FBXO10: variants seen among roughly 807,000 people sequenced by gnomAD.
FBXO10 encodes the protein F-box only protein 10.
Under a neutral mutation model 80.7 loss-of-function variants are expected in FBXO10, and 39 were observed. The observed-to-expected ratio is 0.48, with a 90% CI of 0.37 to 0.63. The LOEUF (loss-of-function observed/expected upper bound fraction) is 0.63, where lower values mean the gene tolerates loss of function less well. Ranked by LOEUF, FBXO10 falls within the 30% of genes least tolerant of loss-of-function variation. The pLI is 0.00. For synonymous variants in FBXO10, 449 were observed against 489.6 expected, an observed-to-expected ratio of 0.92 and a Z score of 1.09; for missense variants, 1,025 against 1,269.0, an observed-to-expected ratio of 0.81 and a Z score of 2.92.
At position 37,539,593 on chromosome 9, in the gene FBXO10, T is replaced by C. The variant is rs531124751; in HGVS notation, c.585+1591A>G. ...CTAAGAATAAATGTATTACAAAATG[T>C]GAAGGGTCTGGAACATTATTTCTTT... On this transcript the variant is annotated intron_variant, in intron 2 of 10. Transcript: ENST00000432825. Among the ~76,000 whole-genome samples, 22 of 152,352 alleles carry C rather than the reference T, an allele frequency of 1.4e-4. No individual in the cohort carries two copies. The South Asian group carries it at 4.1e-3, about 29-fold the overall frequency.
Position 37,518,112 on chromosome 9 carries a change from C to G in FBXO10, c.2514+13G>C. 6.2e-7 allele frequency: 1 copy of G among 1,602,956 alleles called. No homozygotes were observed. Among genetic ancestry groups the G allele is most frequent in the South Asian group, 1.1e-5 (1 of 88,712 alleles). On this transcript the variant is annotated intron_variant, in intron 9 of 10. Transcript: ENST00000432825. ...GTGGGCACCACACGTCACACACATG[C>G]AGACATACTCACTTTAGTGTCGGAC... is the stretch of plus-strand genomic sequence containing the variant.
chr9:37,531,799 C>T (rs1821629065), intron 4 of FBXO10, 110 bp downstream of exon 4: 4 of 1,247,404 alleles, frequency 3.2e-6, no homozygotes, highest in Non-Finnish European at 3.4e-6. Flanking sequence ...CAGGAGCCAC[C>T]TGCAAACAGG....
chr9:37,538,255 C>G (rs145528531), intron 2 of FBXO10, among the ~76,000 whole-genome samples: 1 of 152,262 alleles, frequency 6.6e-6, no homozygotes, highest in Non-Finnish European at 1.5e-5. Context: ...CAATCACGTG[C>G]CAGGGCTAGG....
intron 9 of FBXO10, among the ~76,000 whole-genome samples, chr9:37,517,638 C>T (rs1202152624): frequency 7.1e-6 from 1 of 141,382 alleles, no homozygotes; most frequent in Non-Finnish European, 1.5e-5. Context: ...CTCAGGGACT[C>T]TTCCTGAACA....
chr9:37,564,199 T>C (rs1399033937), intron 1 of FBXO10, among the ~76,000 whole-genome samples: 3 of 152,382 alleles, frequency 2.0e-5, no homozygotes, highest in Admixed American at 6.5e-5. Context: ...GTGTTGAGCC[T>C]GTGGGTGCAC....
At chr9:37,521,886 C>T (rs767973510) in intron 7 of FBXO10, 48 bp from the exon 8 acceptor site, 19 of 1,509,888 alleles carry the variant, frequency 1.3e-5, no homozygotes, top group African/African-American at 4.1e-5. Flanking sequence ...TCAGGTGAAG[C>T]GGCACCTGAG....
At chr9:37,562,509 T>G (rs1822505474) in intron 1 of FBXO10, among the ~76,000 whole-genome samples, 1 of 152,172 alleles carries the variant, frequency 6.6e-6, no homozygotes, top group Non-Finnish European at 1.5e-5. Context: ...CCTGTGGAAT[T>G]AAATGTTTTC....
rs776035711 is a variant in FBXO10 at position 37,525,113 on chromosome 9, C to G, written c.1766G>C (p.Gly589Ala). The G allele has an allele frequency of 2.2e-5, 34 of 1,561,974 alleles. No individual in the cohort carries two copies. The highest frequency in any genetic ancestry group is 2.7e-5 in the African/African-American group (2 of 73,422). The change falls in exon 6 of 11, where the codon GGC becomes GCC. Residue 589 changes from glycine (G) to alanine (A), a missense_variant. By Grantham distance (60) the Gly-to-Ala change is moderately conservative. Around this residue, in one of 3 missense-constraint regions of FBXO10, gnomAD observed 478 missense variants for 667.8 expected, o/e 0.72. Transcript: ENST00000432825. Reference protein sequence around the residue: ...AGIAVNENGKGLITENVIREN... With the variant: ...AGIAVNENGKALITENVIREN... ...GTTCCCATCCGTACCTGTGATGAGG[C>G]CTTTGCCGTTCTCATTCACTGCTAT...
At chr9:37,533,162 C>T (rs1379959949) in intron 3 of FBXO10, among the ~76,000 whole-genome samples, 6 of 18,698 alleles carry the variant, frequency 3.2e-4, no homozygotes, top group Admixed American at 1.4e-3. Context: ...TTAATAAGTA[C>T]AGTTGTCTCC....
intron 1 of FBXO10, among the ~76,000 whole-genome samples, chr9:37,553,378 C>T (rs1014220233): frequency 5.3e-5 from 8 of 152,002 alleles, no homozygotes; most frequent in Non-Finnish European, 8.8e-5. Flanking sequence ...CATGGACTGA[C>T]ACGTATTTTA....
intron 1 of FBXO10, among the ~76,000 whole-genome samples, chr9:37,565,980 T>C (rs1266345692): frequency 1.3e-5 from 2 of 152,160 alleles, no homozygotes; most frequent in Non-Finnish European, 2.9e-5. Flanking sequence ...TCTGAAGGGA[T>C]CAGTGAGAAA....
rs747783408 is a variant in FBXO10, at chr9:37,537,111, T to G, written c.1418A>C (p.Lys473Thr). 2.5e-6 allele frequency: 4 copies of G among 1,596,664 alleles called. No individual in the cohort carries two copies. The highest frequency in any genetic ancestry group is 2.6e-6 in the Non-Finnish European group (3 of 1,167,650). Reference protein sequence around the residue: ...TYAVRCIHNSKIIMLRNDIYR... With the variant: ...TYAVRCIHNSTIIMLRNDIYR... ...ACCAATCTAAAGTCATGACAGCACC[T>G]TGCTATTATGTATACACCGCACTGC... Residue 473 changes from lysine to threonine, a missense_variant and splice_region_variant, in exon 3 of 11, where the codon AAG becomes ACG. This residue lies in a region of FBXO10 where 478 missense variants were observed against 667.8 expected (regional missense o/e 0.72). Coordinates refer to ENST00000432825, the MANE Select transcript of FBXO10 (RefSeq NM_012166.3).
chr9:37,539,072 T>C (rs1483956372), intron 2 of FBXO10, among the ~76,000 whole-genome samples: 1 of 152,184 alleles, frequency 6.6e-6, no homozygotes, highest in Non-Finnish European at 1.5e-5. Flanking sequence ...ACATATTTCA[T>C]CAGATGTATT....
chr9:37,531,501 AC>A (rs1821622712), intron 4 of FBXO10, among the ~76,000 whole-genome samples: 1 of 152,110 alleles, frequency 6.6e-6, no homozygotes, highest in South Asian at 2.1e-4. Flanking sequence ...AGAACTAAAT[AC>A]CCGAAATGTC....
chr9:37,514,065 A>C (rs1402470251), intron 10 of FBXO10, among the ~76,000 whole-genome samples: 2 of 152,184 alleles, frequency 1.3e-5, no homozygotes, highest in Non-Finnish European at 1.5e-5. Context: ...AACTTTACAC[A>C]CTAAGTCTCC....
At chr9:37,544,092 C>T (rs1053096483) in intron 1 of FBXO10, among the ~76,000 whole-genome samples, 2 of 152,152 alleles carry the variant, frequency 1.3e-5, no homozygotes, top group Non-Finnish European at 2.9e-5. Flanking sequence ...TACAGTGAAA[C>T]CCTGCCTCTA....
intron 7 of FBXO10, 40 bp from the exon 8 acceptor site, chr9:37,521,878 A>G: frequency 6.6e-7 from 1 of 1,518,452 alleles, no homozygotes; most frequent in Non-Finnish European, 8.8e-7. Context: ...CACTGAACTC[A>G]GGTGAAGCGG....
At chr9:37,558,101 G>A (rs1337041176) in intron 1 of FBXO10, among the ~76,000 whole-genome samples, 1 of 152,150 alleles carries the variant, frequency 6.6e-6, no homozygotes, top group Middle Eastern at 3.2e-3. Context: ...TTCTTTCAGG[G>A]AGCACCATAT....
chr9:37,557,609 G>A (rs1446138273), intron 1 of FBXO10, among the ~76,000 whole-genome samples: 1 of 152,170 alleles, frequency 6.6e-6, no homozygotes, highest in Non-Finnish European at 1.5e-5. Flanking sequence ...TCTGAATTCA[G>A]TGACTTCACA....
Sources: gnomAD v4.1 joint callset for allele counts (sites outside exome capture counted in the v4.1 genomes callset) on GRCh38, gnomAD v4.1.1 for gene constraint, gnomAD v4.1.1 regional missense constraint, MANE v1.5 for transcripts, NCBI Gene and HGNC (gene_info 2026-07-23, HGNC 2026-07-21) for gene names.